The following RERE variants were observed in gnomAD, a reference collection of about 807,000 sequenced individuals.
RERE encodes the protein arginine-glutamic acid dipeptide repeats protein.
RERE carries 40 observed loss-of-function variants against 146.1 expected under a neutral mutation model. The observed-to-expected ratio is 0.27, with a 90% CI of 0.21 to 0.36. The LOEUF is 0.36. Among genes scored for constraint, RERE ranks in the 10% least tolerant of loss-of-function variants. The pLI is 1.00. For missense variants in RERE, 1,933 were observed against 2,138.7 expected, an observed-to-expected ratio of 0.90 and a Z score of 1.90; for synonymous variants, 1,003 against 866.0, an observed-to-expected ratio of 1.16 and a Z score of -2.78.
At chr1:8,690,630 T>C (rs1445327615) in intron 1 of RERE, among the ~76,000 whole-genome samples, 2 of 152,214 alleles carry the variant, frequency 1.3e-5, no homozygotes, top group East Asian at 1.9e-4. Flanking sequence ...TGGAGAATAA[T>C]AGCTAAGAAG....
chr1:8,669,133 C>T (rs1638654100), intron 1 of RERE, among the ~76,000 whole-genome samples: 1 of 149,004 alleles, frequency 6.7e-6, no homozygotes, highest in African/African-American at 2.5e-5. Flanking sequence ...CAGTGGCATG[C>T]GTGATCACGG....
intron 1 of RERE, among the ~76,000 whole-genome samples, chr1:8,709,931 A>C (rs961161994): frequency 6.6e-6 from 1 of 152,094 alleles, no homozygotes; most frequent in Non-Finnish European, 1.5e-5. Flanking sequence ...CCATACTCTT[A>C]TTCTGGTTTT....
chr1:8,674,048 A>G (rs1638780888), intron 1 of RERE, among the ~76,000 whole-genome samples: 1 of 152,214 alleles, frequency 6.6e-6, no homozygotes, highest in East Asian at 1.9e-4. Context: ...AAATATTTTC[A>G]TATTAAAAAT....
At chr1:8,700,730 T>C (rs1639428752) in intron 1 of RERE, among the ~76,000 whole-genome samples, 1 of 152,098 alleles carries the variant, frequency 6.6e-6, no homozygotes, top group South Asian at 2.1e-4. Context: ...AATCCTAGAC[T>C]AGTTAACAAA....
At chr1:8,791,953 C>A (rs1641372138) in intron 1 of RERE, among the ~76,000 whole-genome samples, 1 of 152,160 alleles carries the variant, frequency 6.6e-6, no homozygotes, top group African/African-American at 2.4e-5. Context: ...TTAGGCCGGG[C>A]ATGATAGTTC....
chr1:8,712,405 C>T lies in RERE; in HGVS notation c.-144-55964G>A, dbSNP rs1240173190. On this transcript the variant is annotated intron_variant, in intron 1 of 22. Transcript: ENST00000400908. ...ATTAATTCCAACAATAAAATCTAAACACTGATCATCCCCTCCAATCTTCAG... is the reference window on the plus strand; with the variant it reads ...ATTAATTCCAACAATAAAATCTAAATACTGATCATCCCCTCCAATCTTCAG... Among the ~76,000 whole-genome samples, 7 of 152,324 alleles carry T rather than the reference C, an allele frequency of 4.6e-5. No homozygotes were observed. The South Asian group carries it at 1.4e-3, about 32-fold the overall frequency.
chr1:8,437,736 T>C (rs929887395), intron 11 of RERE, among the ~76,000 whole-genome samples: 2 of 152,178 alleles, frequency 1.3e-5, no homozygotes, highest in Admixed American at 6.5e-5. Context: ...AACATACTAA[T>C]AGCTCATTTA....
chr1:8,517,620 C>T (rs945104073), intron 7 of RERE, among the ~76,000 whole-genome samples: 1 of 151,978 alleles, frequency 6.6e-6, no homozygotes, highest in African/African-American at 2.4e-5. Flanking sequence ...AAAATAGTTC[C>T]AGAAGCCAAA....
Position 8,389,698 on chromosome 1 carries a change from G to A in RERE, c.1285-23724C>T, listed in dbSNP as rs576548767. On this transcript the variant is annotated intron_variant, in intron 12 of 22. Transcript: ENST00000400908. ...GGAGGAGAAGTCGGGGAGCCACCACGGAAGGTCGCATGGAGGGAACCTCAC... is the reference window on the plus strand; with the variant it reads ...GGAGGAGAAGTCGGGGAGCCACCACAGAAGGTCGCATGGAGGGAACCTCAC... 1.9e-4 allele frequency among the ~76,000 whole-genome samples: 29 copies of A among 152,322 alleles called. No homozygotes were observed. In the East Asian group the frequency reaches 3.9e-3, roughly 20 times the overall value.
chr1:8,758,890 T>C lies in RERE; in HGVS notation c.-145+58270A>G, dbSNP rs192716892. Among the ~76,000 whole-genome samples the C allele has an allele frequency of 7.4e-4, 112 of 152,302 alleles. 1 individual carries two copies. In the South Asian group the frequency reaches 9.9e-3, roughly 14 times the overall value. On this transcript the variant is annotated intron_variant, in intron 1 of 22. Transcript: ENST00000400908. The stretch of plus-strand genomic sequence containing the variant: ...AAATGTGAAGTAATACATATACTCA[T>C]TTTAGCCATTCCACAATGTATATAT...
chr1:8,726,332 AGTAGAGAT>A (rs1223900239), intron 1 of RERE, among the ~76,000 whole-genome samples: 1 of 151,660 alleles, frequency 6.6e-6, no homozygotes, highest in Non-Finnish European at 1.5e-5. Flanking sequence ...TTATATTTTT[AGTAGAGAT>A]GGGGTTTCAT....
At chr1:8,678,598 T>A (rs1638896456) in intron 1 of RERE, among the ~76,000 whole-genome samples, 1 of 149,892 alleles carries the variant, frequency 6.7e-6, no homozygotes, top group African/African-American at 2.5e-5. Flanking sequence ...GAGGCGGAGG[T>A]TGCAGGGAGG....
intron 1 of RERE, among the ~76,000 whole-genome samples, chr1:8,661,021 G>C (rs565147113): frequency 4.6e-5 from 7 of 152,160 alleles, no homozygotes; most frequent in Admixed American, 2.0e-4. Flanking sequence ...GCAGTGGAGA[G>C]AGACCACCAA....
At chr1:8,594,016 C>G (rs1284310819) in intron 4 of RERE, among the ~76,000 whole-genome samples, 1 of 152,152 alleles carries the variant, frequency 6.6e-6, no homozygotes, top group Non-Finnish European at 1.5e-5. Context: ...TAAACAACTA[C>G]GATTTGGGGT....
chr1:8,554,384 G>T (rs1645978594), intron 6 of RERE, among the ~76,000 whole-genome samples: 1 of 152,012 alleles, frequency 6.6e-6, no homozygotes, highest in African/African-American at 2.4e-5. Context: ...GCAAACCAGT[G>T]TAAGAAGTAT....
chr1:8,650,434 T>G (rs886721694), intron 2 of RERE, among the ~76,000 whole-genome samples: 1 of 152,188 alleles, frequency 6.6e-6, no homozygotes, highest in Admixed American at 6.5e-5. Context: ...AAATCTTAAT[T>G]TGTGCTTTAT....
chr1:8,816,837 T>A (rs1387637309), intron 1 of RERE, among the ~76,000 whole-genome samples: 1 of 152,162 alleles, frequency 6.6e-6, no homozygotes, highest in Non-Finnish European at 1.5e-5. Flanking sequence ...TTTCAGTCCT[T>A]GACTTCCTTC....
At chr1:8,715,801 G>T (rs1369964570) in intron 1 of RERE, among the ~76,000 whole-genome samples, 1 of 151,656 alleles carries the variant, frequency 6.6e-6, no homozygotes, top group East Asian at 1.9e-4. Flanking sequence ...CTACTCAGGA[G>T]ACTAAGGCAG....
intron 11 of RERE, among the ~76,000 whole-genome samples, chr1:8,450,313 G>A (rs926813479): frequency 1.3e-5 from 2 of 151,488 alleles, no homozygotes; most frequent in Admixed American, 6.6e-5. Flanking sequence ...ACCAGTTAAC[G>A]ATTTAGTGAT....
Sources: allele counts gnomAD v4.1 joint callset (sites outside exome capture counted in the v4.1 genomes callset), GRCh38; gene constraint gnomAD v4.1.1; transcripts MANE v1.5; gene names NCBI Gene and HGNC (gene_info 2026-07-23, HGNC 2026-07-21).